The following OTUD7B variants were observed in gnomAD, a reference collection of about 807,000 sequenced individuals.
OTUD7B encodes the protein OTU deubiquitinase 7B.
In OTUD7B, 34 loss-of-function variants were observed where a neutral mutation model predicts 82.2. The observed-to-expected ratio is 0.41, with a 90% confidence interval of 0.31 to 0.55. The LOEUF (loss-of-function observed/expected upper bound fraction) is 0.55, where lower values mean the gene tolerates loss of function less well. Among genes scored for constraint, OTUD7B ranks in the 20% least tolerant of loss-of-function variants. The probability of loss-of-function intolerance (pLI) is 0.20; values close to 1 mark genes in which losing one functional copy is unlikely to be tolerated. For synonymous variants in OTUD7B, 398 were observed against 402.7 expected (o/e 0.99, Z 0.14); for missense variants, 944 against 1,062.1 (o/e 0.89, Z 1.55).
chr1:149,975,358 C>A (rs1460099159), intron 2 of OTUD7B, among the ~76,000 whole-genome samples: 1 of 152,216 alleles, frequency 6.6e-6, no homozygotes, highest in Non-Finnish European at 1.5e-5. Flanking sequence ...AACATAATTG[C>A]TTACAGCCAT....
chr1:149,961,975 C>T (rs1649193137), intron 6 of OTUD7B: 1 of 152,170 alleles, frequency 6.6e-6, no homozygotes, highest in South Asian at 2.1e-4. Flanking sequence ...CTTAACCGCA[C>T]ACTGACAGAG....
rs1650605739 is a variant in OTUD7B at position 149,980,021 on chromosome 1, A to AC, written c.-66-2446dup. 2.6e-5 allele frequency among the ~76,000 whole-genome samples: 4 copies of AC among 152,184 alleles called. No individual in the cohort carries two copies. The South Asian group carries it at 8.3e-4, about 32-fold the overall frequency. ...TAAGTACACAAAATAGTAATCACAAACAGGTGCTCAGCAAAAAGGAAAAGA... is the reference window on the plus strand; with the variant it reads ...TAAGTACACAAAATAGTAATCACAAACCAGGTGCTCAGCAAAAAGGAAAAGA... On this transcript the variant is annotated intron_variant, in intron 1 of 11. Transcript: ENST00000581312.
Position 149,940,799 on chromosome 1 carries a change from T to G in OTUD7B, c.*3058A>C, listed in dbSNP as rs1431913232. The G allele has an allele frequency of 6.6e-6, 1 of 152,002 alleles. No homozygotes were observed. The highest frequency in any genetic ancestry group is 1.5e-5 in the Non-Finnish European group (1 of 68,008). 9.4% of individuals were successfully genotyped at this position (152,002 alleles called of 1,614,324 possible). A position where few individuals can be genotyped will look rare whatever the true frequency, so the allele number is the denominator to read the frequency against. On this transcript the variant is annotated 3_prime_UTR_variant, in exon 12 of 12. Transcript: ENST00000581312. Reference sequence around the variant, plus strand: ...ACATGGGCTTGCCTCTTCTATTCCCTCATCTTCCCAAAATACCACAAACCA... The same window carrying G: ...ACATGGGCTTGCCTCTTCTATTCCCGCATCTTCCCAAAATACCACAAACCA...
At chr1:150,012,607 AC>A (rs1388243539), upstream of OTUD7B, among the ~76,000 whole-genome samples, 1 of 151,692 alleles carries the variant, frequency 6.6e-6, no homozygotes, top group African/African-American at 2.4e-5. Context: ...GCTCAAAGGC[AC>A]TCTACCCTCA....
chr1:149,948,537 A>G (rs1356084716), intron 10 of OTUD7B, among the ~76,000 whole-genome samples: 1 of 150,950 alleles, frequency 6.6e-6, no homozygotes, highest in Non-Finnish European at 1.5e-5. Context: ...ACGCCTGGCT[A>G]ATTTTTGTAT....
the OTUD7B span, among the ~76,000 whole-genome samples, chr1:150,062,475 C>T: frequency 6.6e-6 from 1 of 152,208 alleles, no homozygotes; most frequent in Admixed American, 6.5e-5. Context: ...CTTTTCTAAT[C>T]TTTTGCCAAG....
chr1:150,032,564 G>T, the OTUD7B span, among the ~76,000 whole-genome samples: 2 of 151,190 alleles, frequency 1.3e-5, no homozygotes, highest in African/African-American at 4.9e-5. Context: ...GAGACCAGGA[G>T]TTTAAGGCTG....
At chr1:150,025,432 A>C in the OTUD7B span, among the ~76,000 whole-genome samples, 3 of 146,906 alleles carry the variant, frequency 2.0e-5, no homozygotes, top group Non-Finnish European at 4.5e-5. Context: ...AAGCAAACAA[A>C]ACACACACAC....
At chr1:150,023,548 G>A in the OTUD7B span, among the ~76,000 whole-genome samples, 3 of 152,174 alleles carry the variant, frequency 2.0e-5, no homozygotes, top group South Asian at 2.1e-4. Context: ...GACAGATACC[G>A]TATAATCTCA....
the OTUD7B span, among the ~76,000 whole-genome samples, chr1:150,056,857 A>C: frequency 6.6e-6 from 1 of 152,194 alleles, no homozygotes; most frequent in African/African-American, 2.4e-5. Context: ...TTAGATAAAC[A>C]CCAATTGTTG....
chr1:149,987,191 C>A (rs1651212785), intron 1 of OTUD7B, among the ~76,000 whole-genome samples: 1 of 152,202 alleles, frequency 6.6e-6, no homozygotes, highest in Non-Finnish European at 1.5e-5. Context: ...GTAAAAGTGG[C>A]AGACCCAGGA....
the OTUD7B span, among the ~76,000 whole-genome samples, chr1:150,034,731 GT>G: frequency 1.3e-5 from 2 of 152,142 alleles, no homozygotes; most frequent in African/African-American, 2.4e-5. Flanking sequence ...TTTTGGTATT[GT>G]TATGCCATTA....
At chr1:149,973,690 T>C (rs1376104150) in intron 2 of OTUD7B, among the ~76,000 whole-genome samples, 3 of 151,946 alleles carry the variant, frequency 2.0e-5, no homozygotes, top group Non-Finnish European at 4.4e-5. Context: ...TTCACCCTGT[T>C]GGCCAGGCTA....
At chr1:150,003,753 G>A (rs1205058367) in intron 1 of OTUD7B, among the ~76,000 whole-genome samples, 3 of 151,826 alleles carry the variant, frequency 2.0e-5, no homozygotes, top group African/African-American at 7.3e-5. Flanking sequence ...CATTTTCTTT[G>A]CCCTTCTGCT....
chr1:149,983,814 GCA>G (rs1390048212), intron 1 of OTUD7B, among the ~76,000 whole-genome samples: 1 of 152,174 alleles, frequency 6.6e-6, no homozygotes, highest in African/African-American at 2.4e-5. Flanking sequence ...TTTGGAAGAA[GCA>G]CAGTGGATTT....
chr1:150,018,107 G>A, the OTUD7B span, among the ~76,000 whole-genome samples: 1 of 152,170 alleles, frequency 6.6e-6, no homozygotes, highest in East Asian at 1.9e-4. Context: ...ATTGAAAAGT[G>A]TCACCATTAC....
At chr1:150,023,675 T>C in the OTUD7B span, among the ~76,000 whole-genome samples, 1 of 152,162 alleles carries the variant, frequency 6.6e-6, no homozygotes, top group African/African-American at 2.4e-5. Flanking sequence ...GGATACAAAG[T>C]TTCAGTTACA....
chr1:150,025,641 C>T, the OTUD7B span, among the ~76,000 whole-genome samples: 2 of 152,168 alleles, frequency 1.3e-5, no homozygotes, highest in Admixed American at 6.6e-5. Context: ...TTACAGTGCT[C>T]ACCACCAGAA....
the OTUD7B span, among the ~76,000 whole-genome samples, chr1:150,039,784 A>T: frequency 6.6e-6 from 1 of 152,060 alleles, no homozygotes; most frequent in African/African-American, 2.4e-5. Context: ...TATAAATGTA[A>T]TTTTTTTCCT....
Sources: gnomAD v4.1 joint callset for allele counts (sites outside exome capture counted in the v4.1 genomes callset) on GRCh38, gnomAD v4.1.1 for gene constraint, MANE v1.5 for transcripts, NCBI Gene and HGNC (gene_info 2026-07-23, HGNC 2026-07-21) for gene names.